RCN2: variants seen among roughly 807,000 people sequenced by gnomAD.
RCN2 encodes the protein reticulocalbin 2.
Under a neutral mutation model 37.5 loss-of-function variants are expected in RCN2, and 23 were observed. That is an observed-to-expected ratio of 0.61 (90% CI 0.44 to 0.87). The LOEUF (loss-of-function observed/expected upper bound fraction) is 0.87. Ranked by LOEUF, RCN2 falls within the 40% of genes least tolerant of loss-of-function variation. RCN2 has a pLI of 0.00. For missense variants in RCN2, 381 were observed against 390.4 expected (o/e 0.98, Z 0.20); for synonymous variants, 140 against 144.6 (o/e 0.97, Z 0.23).
rs1438250394 is a variant in RCN2, at chr15:76,951,625, T to C, written c.*2403T>C. Reference sequence around the variant, plus strand: ...TGAACAGAGATGCTATATCTACTGCTGAGTCAAAATAGAAAATTTTAAGGC... The same window carrying C: ...TGAACAGAGATGCTATATCTACTGCCGAGTCAAAATAGAAAATTTTAAGGC... On this transcript the variant is annotated 3_prime_UTR_variant, in exon 7 of 7. Coordinates refer to ENST00000394885, the MANE Select transcript of RCN2 (RefSeq NM_002902.3). 1 of 152,234 alleles carries C rather than the reference T, an allele frequency of 6.6e-6. No homozygotes were observed. Among genetic ancestry groups the C allele is most frequent in the Non-Finnish European group, 1.5e-5 (1 of 68,044 alleles). 9.4% of individuals were successfully genotyped at this position (152,234 alleles called of 1,614,324 possible).
chr15:76,932,498 GACAAAC>G, intron 2 of RCN2, 32 bp downstream of exon 2: 1 of 1,407,588 alleles, frequency 7.1e-7, no homozygotes, highest in Non-Finnish European at 1.0e-6. Context: ...TAACAATGGA[GACAAAC>G]ACAAATATGT....
intron 3 of RCN2, among the ~76,000 whole-genome samples, chr15:76,939,234 A>G (rs1392985006): frequency 7.6e-5 from 1 of 13,132 alleles, no homozygotes; most frequent in African/African-American, 1.7e-4. Flanking sequence ...ATTTCTAAAA[A>G]TAAATAAATA....
At chr15:76,932,660 G>C (rs1192927228) in intron 2 of RCN2, among the ~76,000 whole-genome samples, 194 bp downstream of exon 2, 3 of 151,134 alleles carry the variant, frequency 2.0e-5, no homozygotes, top group African/African-American at 7.4e-5. Flanking sequence ...GCTTTCTCCA[G>C]TTATATATAA....
intron 5 of RCN2, 156 bp from the exon 6 acceptor site, chr15:76,948,254 T>G: frequency 2.2e-6 from 1 of 460,320 alleles, no homozygotes. Context: ...ATATATTTGT[T>G]CTTATGTCAG....
At position 76,949,576 on chromosome 15, in the gene RCN2, G is replaced by A. The variant is rs531465109; in HGVS notation, c.*354G>A. 6.3e-6 allele frequency: 1 copy of A among 158,584 alleles called. No homozygotes were observed. The highest frequency in any genetic ancestry group is 2.4e-5 in the African/African-American group (1 of 41,790). 9.8% of individuals were successfully genotyped at this position (158,584 alleles called of 1,614,324 possible). A position where few individuals can be genotyped will look rare whatever the true frequency, so the allele number is the denominator to read the frequency against. On this transcript the variant is annotated 3_prime_UTR_variant, in exon 7 of 7. Transcript: ENST00000394885. Reference sequence around the variant, plus strand: ...GAACAATATTATTTAAGTAGTATGTGACCGAGCTATAAATTTTTGTTTTTG... The same window carrying A: ...GAACAATATTATTTAAGTAGTATGTAACCGAGCTATAAATTTTTGTTTTTG...
At chr15:76,947,826 C>T (rs919947673) in intron 5 of RCN2, 1 of 274,362 alleles carries the variant, frequency 3.6e-6, no homozygotes, top group Non-Finnish European at 6.8e-6. Flanking sequence ...AAATCCTGTG[C>T]TGTTGCAGGT....
chr15:76,938,504 T>C (rs2075262523), intron 3 of RCN2, among the ~76,000 whole-genome samples: 1 of 152,234 alleles, frequency 6.6e-6, no homozygotes, highest in African/African-American at 2.4e-5. Flanking sequence ...TTTTAAAGTG[T>C]ACCATTCAGT....
chr15:76,948,192 C>T (rs1285575332), intron 5 of RCN2: 3 of 370,672 alleles, frequency 8.1e-6, no homozygotes, highest in Non-Finnish European at 1.4e-5. Context: ...TGAAAACATC[C>T]AATGATTTTA....
rs144772621 is a variant in RCN2 at position 76,943,836 on chromosome 15, G to A, written c.526G>A (p.Ala176Thr). 19 of 1,608,886 alleles carry A rather than the reference G, an allele frequency of 1.2e-5. No homozygotes were observed. The African/African-American group carries it at 2.1e-4, about 18-fold the overall frequency. Residue 176 changes from alanine (A) to threonine (T), a missense_variant, in exon 4 of 7, where the codon GCT becomes ACT. Transcript: ENST00000394885. ...CGGTTTGAGTCTTGAAGAATTTATTGCTTTTGAGCATCCTGAAGAAGTTGA... is the reference window on the plus strand; with the variant it reads ...CGGTTTGAGTCTTGAAGAATTTATTACTTTTGAGCATCCTGAAGAAGTTGA... ...GPGLSLEEFI[A>T]FEHPEEVDYM...
chr15:76,949,150 G>A lies in RCN2; in HGVS notation c.882G>A (p.Leu294=). Reference sequence around the variant, plus strand: ...AAGAGATTCTGGAAAACCCGGACTTGTTTCTCACCAGTGAAGCCACAGATT... The same window carrying A: ...AAGAGATTCTGGAAAACCCGGACTTATTTCTCACCAGTGAAGCCACAGATT... ...SEEEILENPD[L]FLTSEATDYG... Residue 294 remains leucine, a synonymous_variant, in exon 7 of 7, where the codon TTG becomes TTA. Transcript: ENST00000394885. 3.1e-6 allele frequency: 5 copies of A among 1,613,140 alleles called. No homozygotes were observed. The highest frequency in any genetic ancestry group is 4.2e-6 in the Non-Finnish European group (5 of 1,179,530).
At chr15:76,940,026 A>T (rs949422005) in intron 3 of RCN2, among the ~76,000 whole-genome samples, 3 of 152,208 alleles carry the variant, frequency 2.0e-5, no homozygotes, top group African/African-American at 7.2e-5. Flanking sequence ...TCTGCTTTTA[A>T]AGGATGAATT....
At chr15:76,935,276 T>G (rs1307773958) in intron 2 of RCN2, among the ~76,000 whole-genome samples, 1 of 152,100 alleles carries the variant, frequency 6.6e-6, no homozygotes, top group Non-Finnish European at 1.5e-5. Flanking sequence ...TGAGCTGAGA[T>G]CGCACCACTG....
In RCN2 at chr15:76,933,132, C is replaced by T. The variant is rs146000515; in HGVS notation, c.250+666C>T. On this transcript the variant is annotated intron_variant, in intron 2 of 6. Transcript: ENST00000394885. ...ATTCTCTAGTCAGAAATGAAATGCA[C>T]AGACTATTAAAAGAATGTTCTAAAT... Among the ~76,000 whole-genome samples the T allele has an allele frequency of 1.2e-3, 182 of 152,264 alleles. 1 individual carries two copies. The highest frequency in any genetic ancestry group is 4.3e-3 in the African/African-American group (178 of 41,550).
At chr15:76,946,845 TAAG>T (rs1023964197) in intron 4 of RCN2, among the ~76,000 whole-genome samples, 4 of 152,204 alleles carry the variant, frequency 2.6e-5, no homozygotes, top group African/African-American at 7.2e-5. Context: ...GGTTGTTTGA[TAAG>T]AAGCTTTGAT....
rs557702936 is a variant in RCN2, at chr15:76,954,306, C to T, written c.*5084C>T. 2 of 152,166 alleles carry T rather than the reference C, an allele frequency of 1.3e-5. No homozygotes were observed. The highest frequency in any genetic ancestry group is 4.2e-4 in the South Asian group (2 of 4,816). The allele number at this position is 152,166 out of a possible 1,614,324, so 9.4% of individuals were successfully genotyped here. On this transcript the variant is annotated 3_prime_UTR_variant, in exon 7 of 7. Coordinates refer to ENST00000394885, the MANE Select transcript of RCN2 (RefSeq NM_002902.3). ...ACTTAGGAAGATGATTTAGGAAAGC[C>T]ACTTAGAGTAAAAGTTTTTAAACAA...
chr15:76,943,983 ACTTT>A, intron 4 of RCN2, 112 bp downstream of exon 4: 2 of 245,414 alleles, frequency 8.1e-6, no homozygotes, highest in South Asian at 1.0e-4. Flanking sequence ...GATACATGAG[ACTTT>A]TTTTTTTTTT....
In RCN2 at chr15:76,954,039, G is replaced by GTTTTTTTTT. The variant is rs60194309; in HGVS notation, c.*4822_*4830dup. ...TCCTTACCAACACTTGCTATTTTCT[G>GTTTTTTTTT]TTTTTTTTTTTTTCTTTTTTTTTTT... On this transcript the variant is annotated 3_prime_UTR_variant, in exon 7 of 7. Transcript: ENST00000394885. 4 of 131,000 alleles carry GTTTTTTTTT rather than the reference G, an allele frequency of 3.1e-5. No homozygotes were observed. Among genetic ancestry groups the GTTTTTTTTT allele is most frequent in the Non-Finnish European group, 1.6e-5 (1 of 62,440 alleles). 8.1% of individuals were successfully genotyped at this position (131,000 alleles called of 1,614,324 possible).
chr15:76,948,627 C>CA (rs35475122), intron 6 of RCN2, 75 bp downstream of exon 6: 1 of 1,385,196 alleles, frequency 7.2e-7, no homozygotes, highest in South Asian at 1.7e-5. Flanking sequence ...AAAAGAAGTT[C>CA]AAAATCTTAA....
rs1278008840 is a variant in RCN2, at chr15:76,954,155, G to T, written c.*4933G>T. Reference sequence around the variant, plus strand: ...ATGGTCTGTCTCTACAGTTTTGCCTGTTCCAGAATATCATTCCTTTGCAAT... The same window carrying T: ...ATGGTCTGTCTCTACAGTTTTGCCTTTTCCAGAATATCATTCCTTTGCAAT... On this transcript the variant is annotated 3_prime_UTR_variant, in exon 7 of 7. Transcript: ENST00000394885. 1 of 148,806 alleles carries T rather than the reference G, an allele frequency of 6.7e-6. No individual in the cohort carries two copies. Among genetic ancestry groups the T allele is most frequent in the Non-Finnish European group, 1.5e-5 (1 of 67,610 alleles). The allele number at this position is 148,806 out of a possible 1,614,324, so 9.2% of individuals were successfully genotyped here.
Sources: allele counts gnomAD v4.1 joint callset (sites outside exome capture counted in the v4.1 genomes callset), GRCh38; gene constraint gnomAD v4.1.1; transcripts MANE v1.5; gene names NCBI Gene and HGNC (gene_info 2026-07-23, HGNC 2026-07-21).